Variants in CCDC174 observed in about 807,000 individuals in gnomAD.
CCDC174 encodes coiled-coil domain containing 174.
Under a neutral mutation model 57.1 loss-of-function variants are expected in CCDC174, and 37 were observed. The ratio of observed to expected loss-of-function variants is 0.65; its 90% CI spans 0.50 to 0.85. The LOEUF is 0.85. Among genes scored for constraint, CCDC174 ranks in the 40% least tolerant of loss-of-function variants. The pLI, the probability that CCDC174 is intolerant of heterozygous loss-of-function variation, is 0.00. For missense variants in CCDC174, 540 were observed against 574.3 expected (o/e 0.94, Z 0.61); for synonymous variants, 182 against 190.2 (o/e 0.96, Z 0.35).
chr3:14,654,710 A>G (rs1224087754), intron 2 of CCDC174, among the ~76,000 whole-genome samples, 180 bp downstream of exon 2: 2 of 152,258 alleles, frequency 1.3e-5, no homozygotes, highest in African/African-American at 4.8e-5. Context: ...ATTATATAAA[A>G]GTACATAGTA....
At position 14,655,632 on chromosome 3, in the gene CCDC174, A is replaced by G. The variant is rs2030934099; in HGVS notation, c.248+3A>G. The stretch of plus-strand genomic sequence containing the variant: ...CAGAAGACTTTAGACAAAGCAAGGT[A>G]AAGTTATAAGCTCTGGTAAATATAG... On this transcript the variant is annotated splice_donor_region_variant and intron_variant, in intron 3 of 10. Transcript: ENST00000383794. The G allele has an allele frequency of 6.3e-7, 1 of 1,586,032 alleles. No individual in the cohort carries two copies. The highest frequency in any genetic ancestry group is 1.4e-5 in the African/African-American group (1 of 74,058).
intron 1 of CCDC174, among the ~76,000 whole-genome samples, chr3:14,652,601 A>G (rs1334647564): frequency 6.6e-6 from 1 of 152,214 alleles, no homozygotes; most frequent in Non-Finnish European, 1.5e-5. Context: ...CCCAGCTTAC[A>G]GACAGAAATC....
intron 8 of CCDC174, 47 bp from the exon 9 acceptor site, chr3:14,668,002 A>G: frequency 6.4e-7 from 1 of 1,550,680 alleles, no homozygotes; most frequent in Non-Finnish European, 8.7e-7. Flanking sequence ...GGACAGGAAT[A>G]TTGCAAATTT....
intron 8 of CCDC174, 24 bp downstream of exon 8, chr3:14,667,542 G>A (rs2031382437): frequency 6.4e-7 from 1 of 1,570,468 alleles, no homozygotes; most frequent in African/African-American, 1.4e-5. Context: ...CCAAGTGACT[G>A]TGAGGAAAGA....
intron 1 of CCDC174, among the ~76,000 whole-genome samples, chr3:14,652,209 C>T (rs1231216658): frequency 1.3e-5 from 2 of 152,200 alleles, no homozygotes; most frequent in Admixed American, 6.5e-5. Flanking sequence ...TTCTCCCTTA[C>T]AGTCAGGAGG....
chr3:14,660,905 C>T (rs2031110821), intron 4 of CCDC174, among the ~76,000 whole-genome samples: 1 of 152,232 alleles, frequency 6.6e-6, no homozygotes, highest in Admixed American at 6.5e-5. Flanking sequence ...TGTTGTTTAA[C>T]TTTCAGTGTG....
rs767144822 is a variant in CCDC174 at position 14,651,801 on chromosome 3, A to G, written c.-36A>G. ...CTTACGAGGCCTGTGTCGGGTAGAA[A>G]GGGTCCTTCCTGGACCGGGACCCTC... is the stretch of plus-strand genomic sequence containing the variant. On this transcript the variant is annotated 5_prime_UTR_variant, in exon 1 of 11. Transcript: ENST00000383794. 81 of 1,612,086 alleles carry G rather than the reference A, an allele frequency of 5.0e-5. No individual in the cohort carries two copies. Among genetic ancestry groups the G allele is most frequent in the Admixed American group, 2.3e-4 (14 of 60,006 alleles).
At chr3:14,667,095 T>A in intron 7 of CCDC174, 148 bp downstream of exon 7, 1 of 708,432 alleles carries the variant, frequency 1.4e-6, no homozygotes, top group Non-Finnish European at 2.3e-6. Flanking sequence ...TTTGTTCACT[T>A]CATAGCCTTA....
intron 4 of CCDC174, 151 bp from the exon 5 acceptor site, chr3:14,661,379 G>A: frequency 3.1e-6 from 2 of 638,700 alleles, no homozygotes; most frequent in Non-Finnish European, 5.4e-6. Context: ...CAAGGTAGCT[G>A]TGTGTCTTTG....
At chr3:14,662,887 T>C (rs910327893) in intron 5 of CCDC174, among the ~76,000 whole-genome samples, 3 of 152,214 alleles carry the variant, frequency 2.0e-5, no homozygotes, top group African/African-American at 4.8e-5. Flanking sequence ...AACATTCTCA[T>C]TGGGATAAAA....
intron 3 of CCDC174, among the ~76,000 whole-genome samples, chr3:14,657,148 T>A (rs2030984358): frequency 6.6e-6 from 1 of 152,252 alleles, no homozygotes; most frequent in Non-Finnish European, 1.5e-5. Flanking sequence ...AGAGTTTTTC[T>A]TGGCACTTTG....
chr3:14,663,060 T>C (rs1030913479), intron 5 of CCDC174, among the ~76,000 whole-genome samples: 7 of 152,042 alleles, frequency 4.6e-5, no homozygotes, highest in African/African-American at 1.5e-4. Context: ...TTTTTATTTA[T>C]TTGTTTTTGA....
intron 6 of CCDC174, among the ~76,000 whole-genome samples, 191 bp from the exon 7 acceptor site, chr3:14,666,614 C>G (rs1462207812): frequency 6.6e-6 from 1 of 151,264 alleles, no homozygotes; most frequent in Non-Finnish European, 1.5e-5. Context: ...CAGAGCAAGA[C>G]TAGTCTCCAA....
At position 14,667,497 on chromosome 3, in the gene CCDC174, C is replaced by G; in HGVS notation, c.798C>G (p.Thr266=). The change falls in exon 8 of 11, where the codon ACC becomes ACG. Residue 266 remains threonine, a synonymous_variant. Coordinates refer to ENST00000383794, the MANE Select transcript of CCDC174 (RefSeq NM_016474.5). ...AGTTGAGAAACAAGCAGATGAAAAC[C>G]TTAGAGATGCTGCGTGAACAGGTAC... ...DKELRNKQMK[T]LEMLREQTTD... The G allele has an allele frequency of 6.2e-7, 1 of 1,613,588 alleles. No individual in the cohort carries two copies. Among genetic ancestry groups the G allele is most frequent in the Non-Finnish European group, 8.5e-7 (1 of 1,179,776 alleles).
intron 8 of CCDC174, 33 bp downstream of exon 8, chr3:14,667,551 G>T (rs2280382): frequency 6.5e-7 from 1 of 1,533,930 alleles, no homozygotes; most frequent in Non-Finnish European, 9.0e-7. Flanking sequence ...TGTGAGGAAA[G>T]ATGTGAGCGC....
intron 4 of CCDC174, among the ~76,000 whole-genome samples, chr3:14,660,320 A>G (rs532608353): frequency 6.6e-6 from 1 of 152,316 alleles, no homozygotes; most frequent in South Asian, 2.1e-4. Context: ...CCCAGCCAAC[A>G]TGGCGAAACT....
chr3:14,661,633 A>G lies in CCDC174; in HGVS notation c.411A>G (p.Ala137=). 3.1e-6 allele frequency: 5 copies of G among 1,614,220 alleles called. No individual in the cohort carries two copies. The highest frequency in any genetic ancestry group is 4.2e-6 in the Non-Finnish European group (5 of 1,180,022). ...GTGCCCATAGAGATTCTCAAAAGGC[A>G]GGAGAAAGGGACGACGATGAGGAAA... The part of the protein sequence containing the change: ...ASGAHRDSQK[A]GERDDDEENL... Residue 137 remains alanine (A), a synonymous_variant, in exon 5 of 11, where the codon GCA becomes GCG. Coordinates refer to ENST00000383794, the MANE Select transcript of CCDC174 (RefSeq NM_016474.5).
Position 14,671,308 on chromosome 3 carries a change from C to T in CCDC174, c.*114C>T, listed in dbSNP as rs917883623. On this transcript the variant is annotated 3_prime_UTR_variant, in exon 11 of 11. Coordinates refer to ENST00000383794, the MANE Select transcript of CCDC174 (RefSeq NM_016474.5). ...TTTGTCCTGTCCTTTCCCTAGGAGG[C>T]ACAGACTTCGGGTTGGATTTGTCAG... 1.8e-6 allele frequency: 2 copies of T among 1,128,078 alleles called. No individual in the cohort carries two copies. The highest frequency in any genetic ancestry group is 3.1e-5 in the African/African-American group (2 of 64,222). The allele number at this position is 1,128,078 out of a possible 1,614,324, so 69.9% of individuals were successfully genotyped here. A position where few individuals can be genotyped will look rare whatever the true frequency, so the allele number is the denominator to read the frequency against.
chr3:14,653,716 G>C (rs1039259672), intron 1 of CCDC174, among the ~76,000 whole-genome samples: 9 of 152,146 alleles, frequency 5.9e-5, no homozygotes, highest in Non-Finnish European at 7.4e-5. Context: ...CTTGAACCGT[G>C]TGATTCAGCC....
Sources: gnomAD v4.1 joint callset for allele counts (sites outside exome capture counted in the v4.1 genomes callset) on GRCh38, gnomAD v4.1.1 for gene constraint, MANE v1.5 for transcripts, NCBI Gene and HGNC (gene_info 2026-07-23, HGNC 2026-07-21) for gene names.